Variants in HMCN1 observed in about 807,000 individuals in gnomAD.
HMCN1 encodes hemicentin-1.
Under a neutral mutation model 625.9 loss-of-function variants are expected in HMCN1, and 321 were observed. The ratio of observed to expected loss-of-function variants is 0.51; its 90% CI spans 0.47 to 0.56. HMCN1 has a LOEUF of 0.56. Among genes scored for constraint, HMCN1 ranks in the 20% least tolerant of loss-of-function variants. The pLI is 0.00. For synonymous variants in HMCN1, 2,425 were observed against 2,417.6 expected (o/e 1.00, Z -0.09); for missense variants, 6,588 against 6,887.3 (o/e 0.96, Z 1.54).
intron 1 of HMCN1, among the ~76,000 whole-genome samples, chr1:185,791,088 G>C (rs139465083): frequency 6.6e-6 from 1 of 152,066 alleles, no homozygotes; most frequent in East Asian, 1.9e-4. Flanking sequence ...ATTCAGCTTA[G>C]ACTTAAATCT....
chr1:185,736,281 T>C (rs1462507575), intron 1 of HMCN1, among the ~76,000 whole-genome samples: 1 of 152,124 alleles, frequency 6.6e-6, no homozygotes, highest in Non-Finnish European at 1.5e-5. Flanking sequence ...CATACATACA[T>C]TACATATATG....
Position 186,187,974 on chromosome 1 carries a change from C to T in HMCN1, c.16506C>T (p.Pro5502=). 6.2e-7 allele frequency: 1 copy of T among 1,613,876 alleles called. No individual in the cohort carries two copies. Among genetic ancestry groups the T allele is most frequent in the Non-Finnish European group, 8.5e-7 (1 of 1,179,810 alleles). The change falls in exon 106 of 107, where the codon CCC becomes CCT. Residue 5502 remains proline, a synonymous_variant. Transcript: ENST00000271588. Reference sequence around the variant, plus strand: ...GAAGCTACCAGTGCATCGATACACCCTGTCCACCCAACTACCAACGGGATC... The same window carrying T: ...GAAGCTACCAGTGCATCGATACACCTTGTCCACCCAACTACCAACGGGATC... ...MRGSYQCIDT[P]CPPNYQRDPV...
intron 1 of HMCN1, among the ~76,000 whole-genome samples, chr1:185,802,645 T>A (rs890028527): frequency 5.3e-5 from 8 of 152,126 alleles, no homozygotes; most frequent in African/African-American, 1.9e-4. Flanking sequence ...TGGTACCAAA[T>A]GCTGTTGAGA....
intron 97 of HMCN1, among the ~76,000 whole-genome samples, chr1:186,163,399 G>A (rs183439898): frequency 0.011 from 1,608 of 152,202 alleles, 12 homozygotes; most frequent in Non-Finnish European, 0.015. Context: ...GCTCACGCAC[G>A]GTGCGCTGCA....
intron 6 of HMCN1, among the ~76,000 whole-genome samples, chr1:185,914,533 A>G (rs940652720): frequency 8.6e-5 from 13 of 151,978 alleles, no homozygotes; most frequent in African/African-American, 2.9e-4. Flanking sequence ...GTTATCTTCT[A>G]TCACTTGTCT....
At chr1:186,120,646 G>A (rs997869718) in intron 80 of HMCN1, among the ~76,000 whole-genome samples, 2 of 152,144 alleles carry the variant, frequency 1.3e-5, no homozygotes, top group African/African-American at 4.8e-5. Context: ...CAAATTAGAG[G>A]TGACCCAGAA....
At chr1:185,765,284 G>A (rs1245266536) in intron 1 of HMCN1, among the ~76,000 whole-genome samples, 1 of 152,074 alleles carries the variant, frequency 6.6e-6, no homozygotes, top group Non-Finnish European at 1.5e-5. Context: ...ACAAAGAGGT[G>A]ATACTAGAAT....
chr1:186,174,713 G>A (rs778205608), intron 103 of HMCN1, 71 bp downstream of exon 103: 77 of 1,406,494 alleles, frequency 5.5e-5, no homozygotes, highest in Non-Finnish European at 7.3e-5. Flanking sequence ...ACTCGCTTAG[G>A]GCCACTTTCT....
intron 51 of HMCN1, among the ~76,000 whole-genome samples, chr1:186,070,096 T>TAGATGCATATGTTCTAATCAACA: frequency 6.6e-6 from 1 of 152,220 alleles, no homozygotes; most frequent in South Asian, 2.1e-4. Flanking sequence ...AAACTGTCGT[T>TAGATGCATATGTTCTAATCAACA]AGATGCATAT....
chr1:185,882,993 A>G (rs1664404948), intron 4 of HMCN1, among the ~76,000 whole-genome samples: 24 of 152,066 alleles, frequency 1.6e-4, no homozygotes, highest in Admixed American at 1.6e-3. Context: ...TTATAGTGCC[A>G]GATTGTGAGC....
chr1:185,814,452 T>G (rs2102253120), intron 1 of HMCN1, among the ~76,000 whole-genome samples: 1 of 152,274 alleles, frequency 6.6e-6, no homozygotes, highest in African/African-American at 2.4e-5. Context: ...TTACTCATAC[T>G]TCTACTTAGG....
chr1:186,166,551 G>T (rs971854446), intron 99 of HMCN1, among the ~76,000 whole-genome samples: 2 of 152,204 alleles, frequency 1.3e-5, no homozygotes, highest in Non-Finnish European at 2.9e-5. Flanking sequence ...GAAAGGAGAA[G>T]TAACTTCTTA....
At position 186,086,326 on chromosome 1, in the gene HMCN1, T is replaced by C. The variant is rs764586326; in HGVS notation, c.8965T>C (p.Ser2989Pro). ...TTTCATCTCTTTGACCTGTGAGGTC[T>C]CTGGTTTTCCACCTCCTGACCTCAG... ...NNFISLTCEV[S>P]GFPPPDLSWL... Residue 2989 changes from serine to proline, a missense_variant, in exon 58 of 107, where the codon TCT (serine) becomes CCT (proline). By Grantham distance (74) the Ser-to-Pro change is moderately conservative (BLOSUM62 -1). This residue lies in a region of HMCN1 where 4,628 missense variants were observed against 4,853.1 expected (regional missense o/e 0.95). Transcript: ENST00000271588. 14 of 1,613,262 alleles carry C rather than the reference T, an allele frequency of 8.7e-6. No individual in the cohort carries two copies. The South Asian group carries it at 1.4e-4, about 16-fold the overall frequency.
intron 1 of HMCN1, among the ~76,000 whole-genome samples, chr1:185,746,905 C>A (rs954017139): frequency 9.9e-5 from 15 of 152,104 alleles, no homozygotes; most frequent in Admixed American, 2.0e-4. Context: ...CCGCAACCAG[C>A]CAAATTTTCC....
rs1196368137 is a variant in HMCN1 at position 185,924,388 on chromosome 1, G to A, written c.1286-659G>A. 2.0e-5 allele frequency among the ~76,000 whole-genome samples: 3 copies of A among 151,642 alleles called. 1 individual carries two copies. The highest frequency in any genetic ancestry group is 4.2e-4 in the South Asian group (2 of 4,784). Reference sequence around the variant, plus strand: ...TGGGACTACAGGCGCCTGCCACCTCGCCCAGCTAATGGACTGATAAAGATA... The same window carrying A: ...TGGGACTACAGGCGCCTGCCACCTCACCCAGCTAATGGACTGATAAAGATA... On this transcript the variant is annotated intron_variant, in intron 8 of 106. Coordinates refer to ENST00000271588, the MANE Select transcript of HMCN1 (RefSeq NM_031935.3).
chr1:186,000,154 T>C lies in HMCN1; in HGVS notation c.3984T>C (p.Val1328=), dbSNP rs1233658545. The C allele has an allele frequency of 6.2e-7, 1 of 1,613,142 alleles. No individual in the cohort carries two copies. The highest frequency in any genetic ancestry group is 8.5e-7 in the Non-Finnish European group (1 of 1,179,430). Reference sequence around the variant, plus strand: ...GCACATTGCTGGTTATTGCTTCTGTTACACCCTATGACAATGGGGAGTACA... The same window carrying C: ...GCACATTGCTGGTTATTGCTTCTGTCACACCCTATGACAATGGGGAGTACA... The part of the protein sequence containing the change: ...EDGTLLVIAS[V]TPYDNGEYIC... Residue 1328 remains valine, a synonymous_variant, in exon 26 of 107, where the codon GTT becomes GTC. Coordinates refer to ENST00000271588, the MANE Select transcript of HMCN1 (RefSeq NM_031935.3).
At chr1:185,852,242 G>T (rs1662206605) in intron 2 of HMCN1, among the ~76,000 whole-genome samples, 1 of 151,862 alleles carries the variant, frequency 6.6e-6, no homozygotes, top group African/African-American at 2.4e-5. Context: ...AATTTACTAT[G>T]CCAATTTGGT....
chr1:185,768,677 G>A (rs1330510596), intron 1 of HMCN1, among the ~76,000 whole-genome samples: 2 of 152,196 alleles, frequency 1.3e-5, no homozygotes, highest in African/African-American at 4.8e-5. Context: ...TGGGTGTGGC[G>A]GCTCACGCCT....
intron 2 of HMCN1, among the ~76,000 whole-genome samples, chr1:185,851,686 C>A (rs1268803775): frequency 6.6e-6 from 1 of 152,002 alleles, no homozygotes; most frequent in Non-Finnish European, 1.5e-5. Context: ...TTATAAGAAA[C>A]TATAAAGCTT....
Sources: gnomAD v4.1 joint callset for allele counts (sites outside exome capture counted in the v4.1 genomes callset) on GRCh38, gnomAD v4.1.1 for gene constraint, gnomAD v4.1.1 regional missense constraint, MANE v1.5 for transcripts, NCBI Gene and HGNC (gene_info 2026-07-23, HGNC 2026-07-21) for gene names.